Variants in MED4 observed in about 807,000 individuals in gnomAD.
MED4 encodes mediator of RNA polymerase II transcription subunit 4.
A neutral mutation model predicts 35.0 loss-of-function variants in MED4; 21 were observed. The ratio of observed to expected loss-of-function variants is 0.60; its 90% CI spans 0.43 to 0.86. MED4 has a LOEUF of 0.86. Ranked by LOEUF, MED4 falls within the 40% of genes least tolerant of loss-of-function variation. MED4 has a pLI of 0.00. For synonymous variants in MED4, 138 were observed against 114.0 expected (o/e 1.21, Z -1.34); for missense variants, 300 against 319.4 (o/e 0.94, Z 0.46).
At chr13:48,083,452 A>C (rs754177298) in intron 3 of MED4, 24 bp from the exon 4 acceptor site, 13 of 1,606,360 alleles carry the variant, frequency 8.1e-6, no homozygotes, top group Non-Finnish European at 1.1e-5. Flanking sequence ...CATTTAAAAA[A>C]CGTGGTTTAT....
At chr13:48,084,691 A>C (rs985413380) in intron 3 of MED4, among the ~76,000 whole-genome samples, 6 of 152,210 alleles carry the variant, frequency 3.9e-5, no homozygotes, top group South Asian at 4.1e-4. Flanking sequence ...CTCAAAGGAA[A>C]TAGACCAAAC....
intron 2 of MED4, among the ~76,000 whole-genome samples, chr13:48,088,377 A>C (rs1950868096): frequency 1.3e-5 from 2 of 152,356 alleles, no homozygotes; most frequent in African/African-American, 4.8e-5. Context: ...AATACAATAG[A>C]CAAAAGACTG....
At chr13:48,088,781 G>A (rs773772701) in intron 2 of MED4, among the ~76,000 whole-genome samples, 7 of 152,126 alleles carry the variant, frequency 4.6e-5, no homozygotes, top group Non-Finnish European at 8.8e-5. Context: ...ACTGAACATC[G>A]TTAAGATCCT....
chr13:48,083,531 T>A lies in MED4; in HGVS notation c.364-103A>T. On this transcript the variant is annotated intron_variant, in intron 3 of 6. Coordinates refer to ENST00000258648, the MANE Select transcript of MED4 (RefSeq NM_014166.4). ...TCCTTTAGCCTACAAGAACAATCTT[T>A]GAAACTTGGAAATCCCAACAATTTA... 6 of 804,576 alleles carry A rather than the reference T, an allele frequency of 7.5e-6. No individual in the cohort carries two copies. In the South Asian group the frequency reaches 1.1e-4, roughly 15 times the overall value. The allele number at this position is 804,576 out of a possible 1,614,324, so 49.8% of individuals were successfully genotyped here. A position where few individuals can be genotyped will look rare whatever the true frequency, so the allele number is the denominator to read the frequency against.
chr13:48,080,999 C>G (rs1261386687), intron 5 of MED4, among the ~76,000 whole-genome samples: 1 of 152,168 alleles, frequency 6.6e-6, no homozygotes, highest in African/African-American at 2.4e-5. Flanking sequence ...TGCAGCTTAT[C>G]CATCCCCAAA....
At chr13:48,080,716 T>C (rs1479909487) in intron 5 of MED4, among the ~76,000 whole-genome samples, 2 of 151,774 alleles carry the variant, frequency 1.3e-5, no homozygotes, top group Non-Finnish European at 2.9e-5. Context: ...GAATGTTTAA[T>C]AGAAGGACTG....
intron 3 of MED4, among the ~76,000 whole-genome samples, chr13:48,085,274 C>T (rs549383578): frequency 4.6e-5 from 7 of 150,628 alleles, no homozygotes; most frequent in South Asian, 2.1e-4. Flanking sequence ...CAGGTTCACG[C>T]GATTCTCCTG....
intron 3 of MED4, among the ~76,000 whole-genome samples, 162 bp downstream of exon 3, chr13:48,086,120 A>C (rs980095518): frequency 2.6e-5 from 4 of 152,238 alleles, no homozygotes; most frequent in Non-Finnish European, 5.9e-5. Context: ...AGAGAATGAC[A>C]ATAGCCTTTC....
chr13:48,085,011 C>T (rs1465242249), intron 3 of MED4, among the ~76,000 whole-genome samples: 4 of 151,900 alleles, frequency 2.6e-5, no homozygotes, highest in East Asian at 1.9e-4. Flanking sequence ...AGATTACAGG[C>T]GTGAATCACC....
chr13:48,085,974 AC>A (rs928844497), intron 3 of MED4, among the ~76,000 whole-genome samples: 9 of 152,064 alleles, frequency 5.9e-5, no homozygotes, highest in African/African-American at 2.2e-4. Flanking sequence ...GATTTAGACT[AC>A]TGATAATTAA....
Position 48,083,384 on chromosome 13 carries a change from T to C in MED4, c.408A>G (p.Glu136=), listed in dbSNP as rs1172505998. 2 of 1,613,116 alleles carry C rather than the reference T, an allele frequency of 1.2e-6. No homozygotes were observed. Among genetic ancestry groups the C allele is most frequent in the Admixed American group, 3.3e-5 (2 of 59,858 alleles). Reference sequence around the variant, plus strand: ...CATGATACTAACCTTTTCTTGCTTTTTCTATTGACTTGAGTTTCTCCTTCG... The same window carrying C: ...CATGATACTAACCTTTTCTTGCTTTCTCTATTGACTTGAGTTTCTCCTTCG... ...YQAKEKLKSI[E]KARKGAISSE... is the part of the protein sequence containing the mutation. The change falls in exon 4 of 7, where the codon GAA becomes GAG. Residue 136 remains glutamate (E), a synonymous_variant. Transcript: ENST00000258648.
chr13:48,077,102 A>T lies in MED4; in HGVS notation c.*37T>A. On this transcript the variant is annotated 3_prime_UTR_variant, in exon 7 of 7. Coordinates refer to ENST00000258648, the MANE Select transcript of MED4 (RefSeq NM_014166.4). The stretch of plus-strand genomic sequence containing the variant: ...GCTACTGTTAAAGAAACAGAATTCT[A>T]CAGTATTCAATTCTGTATATTGTCT... 6.6e-7 allele frequency: 1 copy of T among 1,518,142 alleles called. No homozygotes were observed. The highest frequency in any genetic ancestry group is 8.9e-7 in the Non-Finnish European group (1 of 1,127,740). The allele number at this position is 1,518,142 out of a possible 1,614,324, so 94.0% of individuals were successfully genotyped here.
At chr13:48,093,866 T>G (rs1362269770) in intron 1 of MED4, among the ~76,000 whole-genome samples, 1 of 152,218 alleles carries the variant, frequency 6.6e-6, no homozygotes, top group Admixed American at 6.5e-5. Context: ...ATCACGTATA[T>G]TTTAAAATAC....
intron 4 of MED4, 63 bp downstream of exon 4, chr13:48,083,308 T>C: frequency 1.6e-6 from 2 of 1,282,540 alleles, no homozygotes; most frequent in East Asian, 2.3e-5. Flanking sequence ...TATCCTCTTG[T>C]ATTGGTTTCC....
intron 2 of MED4, among the ~76,000 whole-genome samples, chr13:48,087,302 T>A (rs1202866842): frequency 1.3e-5 from 2 of 151,984 alleles, no homozygotes; most frequent in South Asian, 2.1e-4. Context: ...AGGCAGAGGC[T>A]GCGGTGAGCT....
Position 48,077,144 on chromosome 13 carries a change from C to T in MED4, c.808G>A (p.Asp270Asn). Residue 270 changes from aspartate to asparagine, a missense_variant, in exon 7 of 7, where the codon GAT (aspartate) becomes AAT (asparagine). Physicochemically the swap from Asp to Asn is conservative, Grantham distance 23 (BLOSUM62 1). Transcript: ENST00000258648. ...TDSSSSSSESD is the reference protein window; with the variant it reads ...TDSSSSSSESN ...ATATTGTCTTTTAAGGTTTTTCAAT[C>T]AGACTCACTACTACTGCTTGAGGAG... 6.3e-7 allele frequency: 1 copy of T among 1,598,644 alleles called. No individual in the cohort carries two copies. Among genetic ancestry groups the T allele is most frequent in the Non-Finnish European group, 8.5e-7 (1 of 1,174,922 alleles).
chr13:48,088,037 T>C (rs991711816), intron 2 of MED4, among the ~76,000 whole-genome samples: 3 of 152,094 alleles, frequency 2.0e-5, no homozygotes, highest in East Asian at 1.9e-4. Context: ...GTGTTCTTAA[T>C]AGGAAAAGGA....
chr13:48,078,083 A>G (rs1040726779), intron 6 of MED4, among the ~76,000 whole-genome samples: 2 of 152,228 alleles, frequency 1.3e-5, no homozygotes, highest in African/African-American at 4.8e-5. Context: ...ATGTATGCAT[A>G]TGAAATACCT....
chr13:48,083,424 G>A lies in MED4; in HGVS notation c.368C>T (p.Thr123Ile). The part of the protein sequence containing the change: ...QLKEAEQILA[T>I]AVYQAKEKLK... ...TTTCTCCTTCGCTTGGTAAACAGCT[G>A]TTGCCTAATTTAAACAACATTTAAA... is the stretch of plus-strand genomic sequence containing the variant. The change falls in exon 4 of 7, where the codon ACA (threonine) becomes ATA (isoleucine). Residue 123 changes from threonine to isoleucine, a missense_variant. By Grantham distance (89) the Thr-to-Ile change is moderately conservative. Coordinates refer to ENST00000258648, the MANE Select transcript of MED4 (RefSeq NM_014166.4). 6 of 1,611,860 alleles carry A rather than the reference G, an allele frequency of 3.7e-6. No homozygotes were observed. The highest frequency in any genetic ancestry group is 4.2e-6 in the Non-Finnish European group (5 of 1,179,310).
Sources: allele counts gnomAD v4.1 joint callset (sites outside exome capture counted in the v4.1 genomes callset), GRCh38; gene constraint gnomAD v4.1.1; transcripts MANE v1.5; gene names NCBI Gene and HGNC (gene_info 2026-07-23, HGNC 2026-07-21).